Variants in ADAMTS17 observed in about 807,000 individuals in gnomAD.
ADAMTS17 encodes A disintegrin and metalloproteinase with thrombospondin motifs 17.
In ADAMTS17, 113 loss-of-function variants were observed where a neutral mutation model predicts 141.5. The observed-to-expected ratio is 0.80, with a 90% CI of 0.69 to 0.93. The LOEUF is 0.93. Among genes scored for constraint, ADAMTS17 ranks in the 40% least tolerant of loss-of-function variants. The probability of loss-of-function intolerance (pLI) is 0.00; values close to 1 mark genes in which losing one functional copy is unlikely to be tolerated. For missense variants in ADAMTS17, 1,659 were observed against 1,517.9 expected (o/e 1.09, Z -1.54); for synonymous variants, 768 against 630.6 (o/e 1.22, Z -3.27).
chr15:100,036,325 C>A (rs73472451), intron 18 of ADAMTS17, among the ~76,000 whole-genome samples: 2 of 152,142 alleles, frequency 1.3e-5, no homozygotes, highest in South Asian at 2.1e-4. Flanking sequence ...GCCGGCACTG[C>A]GTAATGGGAA....
intron 15 of ADAMTS17, among the ~76,000 whole-genome samples, chr15:100,072,159 G>C (rs2034020758): frequency 6.7e-6 from 1 of 149,590 alleles, no homozygotes; most frequent in Non-Finnish European, 1.5e-5. Flanking sequence ...ATTCACAATT[G>C]CTTCAAAGAG....
At chr15:100,155,093 A>T in intron 9 of ADAMTS17, 87 bp downstream of exon 9, 2 of 1,595,336 alleles carry the variant, frequency 1.3e-6, no homozygotes, top group South Asian at 2.2e-5. Flanking sequence ...TCATTTCTCC[A>T]CTTCACACTT....
chr15:100,093,674 T>C (rs2035598812), intron 15 of ADAMTS17, among the ~76,000 whole-genome samples: 1 of 152,086 alleles, frequency 6.6e-6, no homozygotes, highest in Non-Finnish European at 1.5e-5. Flanking sequence ...CACCCTCAGC[T>C]TTTGGAGGCC....
rs2060723430 is a variant in ADAMTS17, at chr15:99,993,082, C to T, written c.2915G>A (p.Gly972Asp). The T allele has an allele frequency of 1.2e-6, 2 of 1,614,076 alleles. No individual in the cohort carries two copies. The highest frequency in any genetic ancestry group is 1.7e-6 in the Non-Finnish European group (2 of 1,180,058). Residue 972 changes from glycine (G) to aspartate (D), a missense_variant, in exon 20 of 22, where the codon GGC becomes GAC. By Grantham distance (94) the Gly-to-Asp change is moderately conservative (BLOSUM62 -1). Transcript: ENST00000268070. This position sits in a 1 kb window ranked among gnomAD's most constrained non-coding sequence, Gnocchi z 4.3. The stretch of plus-strand genomic sequence containing the variant: ...GTCCCCAGTTTTCCACTCGTAGCAG[C>T]CTGAGTAGTCCTCGCAGGCCTCCTC... ...RAEEACEDYS[G>D]CYEWKTGDWS... is the part of the protein sequence containing the mutation.
intron 15 of ADAMTS17, among the ~76,000 whole-genome samples, chr15:100,082,064 A>G (rs1842521): frequency 0.87 from 132,079 of 152,212 alleles, 57,495 homozygotes; most frequent in East Asian, 0.97. Flanking sequence ...GCTTTTATTG[A>G]TTTTTTTGTT....
rs780718522 is a variant in ADAMTS17, at chr15:100,262,412, C to A, written c.813G>T (p.Gln271His). ...GAATGTTAATTTTAATCCCCAGGCT[C>A]TGGTGCTGAAACATATTGTATACCT... ...MNMVYNMFQH[Q>H]SLGIKINIQV... The change falls in exon 5 of 22, where the codon CAG becomes CAT. Residue 271 changes from glutamine (Q) to histidine (H), a missense_variant. Transcript: ENST00000268070. 1.1e-5 allele frequency: 18 copies of A among 1,613,498 alleles called. No individual in the cohort carries two copies. Among genetic ancestry groups the A allele is most frequent in the Non-Finnish European group, 1.5e-5 (18 of 1,179,852 alleles).
Position 99,993,122 on chromosome 15 carries a change from T to C in ADAMTS17, c.2875A>G (p.Thr959Ala). ...CAGGCCTCCTCGGCTCTCGGCCTCG[T>C]GGATGCGTCGCATTTCCCTTGTGAG... Reference protein sequence around the residue: ...TNSQGKCDASTRPRAEEACED... With the variant: ...TNSQGKCDASARPRAEEACED... Residue 959 changes from threonine to alanine, a missense_variant, in exon 20 of 22, where the codon ACG becomes GCG. Thr to Ala is a moderately conservative substitution (Grantham distance 58). Coordinates refer to ENST00000268070, the MANE Select transcript of ADAMTS17 (RefSeq NM_139057.4). The surrounding 1 kb of genome is among the most constrained non-coding windows in gnomAD (Gnocchi z 4.3). The C allele has an allele frequency of 6.2e-7, 1 of 1,614,186 alleles. No individual in the cohort carries two copies. Among genetic ancestry groups the C allele is most frequent in the East Asian group, 2.2e-5 (1 of 44,874 alleles).
chr15:100,140,057 G>A (rs2038546509), intron 10 of ADAMTS17, among the ~76,000 whole-genome samples: 1 of 152,104 alleles, frequency 6.6e-6, no homozygotes, highest in Admixed American at 6.5e-5. Context: ...GTGCAGTGGT[G>A]CAATCTCAGC....
intron 21 of ADAMTS17, among the ~76,000 whole-genome samples, 191 bp from the exon 22 acceptor site, chr15:99,974,753 C>T (rs903699905): frequency 6.6e-6 from 1 of 152,234 alleles, no homozygotes; most frequent in African/African-American, 2.4e-5. Flanking sequence ...CAGGGATGCA[C>T]CTTTGCATCC....
intron 7 of ADAMTS17, among the ~76,000 whole-genome samples, chr15:100,241,698 C>G (rs2042832293): frequency 6.6e-6 from 1 of 152,202 alleles, no homozygotes; most frequent in East Asian, 1.9e-4. Context: ...ACTTGGCCCT[C>G]AGCCCTTTCC....
chr15:100,073,147 C>T (rs34579038), intron 15 of ADAMTS17, among the ~76,000 whole-genome samples: 1 of 152,032 alleles, frequency 6.6e-6, no homozygotes. Context: ...ATGCAGCCAA[C>T]AGACACGTGA....
At chr15:100,324,357 T>C (rs145487658) in intron 3 of ADAMTS17, among the ~76,000 whole-genome samples, 1 of 152,188 alleles carries the variant, frequency 6.6e-6, no homozygotes, top group Admixed American at 6.5e-5. Flanking sequence ...TGACCACATG[T>C]TAACATAGGG....
At chr15:100,185,292 A>G (rs766441117) in intron 8 of ADAMTS17, among the ~76,000 whole-genome samples, 30 of 152,226 alleles carry the variant, frequency 2.0e-4, no homozygotes, top group Non-Finnish European at 3.2e-4. Context: ...TAAAGCCCTG[A>G]GAACAAGCTC....
At chr15:100,163,723 T>C (rs1055263336) in intron 8 of ADAMTS17, among the ~76,000 whole-genome samples, 20 of 152,212 alleles carry the variant, frequency 1.3e-4, no homozygotes, top group Admixed American at 1.0e-3. Flanking sequence ...AATCTGGGTA[T>C]GAAGGATGTA....
chr15:99,982,003 T>A (rs1292640960), intron 20 of ADAMTS17, among the ~76,000 whole-genome samples: 5 of 152,252 alleles, frequency 3.3e-5, no homozygotes, highest in African/African-American at 1.2e-4. Context: ...CCTGTTGGCA[T>A]GCTACGTCCC....
intron 15 of ADAMTS17, among the ~76,000 whole-genome samples, chr15:100,083,322 T>C (rs921843832): frequency 6.6e-6 from 1 of 152,168 alleles, no homozygotes; most frequent in Non-Finnish European, 1.5e-5. Context: ...AGCAGACTTT[T>C]GTGTTAAGCC....
chr15:100,195,040 C>T (rs773701521), intron 8 of ADAMTS17, among the ~76,000 whole-genome samples: 1 of 152,254 alleles, frequency 6.6e-6, no homozygotes, highest in Admixed American at 6.5e-5. Context: ...CTCAACGCTG[C>T]CAACATTTCT....
intron 7 of ADAMTS17, among the ~76,000 whole-genome samples, chr15:100,215,867 C>T (rs144330989): frequency 1.8e-3 from 271 of 152,206 alleles, no homozygotes; most frequent in African/African-American, 6.1e-3. Context: ...ATAACTCAAA[C>T]TCAGAGTTTA....
intron 10 of ADAMTS17, among the ~76,000 whole-genome samples, chr15:100,136,866 C>T (rs1308768951): frequency 2.0e-5 from 3 of 152,160 alleles, no homozygotes; most frequent in Non-Finnish European, 2.9e-5. Context: ...TTCAGAGATA[C>T]ACCAGAACAC....
Sources: gnomAD v4.1 joint callset for allele counts (sites outside exome capture counted in the v4.1 genomes callset) on GRCh38, gnomAD v4.1.1 for gene constraint, Gnocchi (gnomAD v3.1) non-coding constraint, MANE v1.5 for transcripts, NCBI Gene and HGNC (gene_info 2026-07-23, HGNC 2026-07-21) for gene names.